Variants in FHIT observed in about 807,000 individuals in gnomAD.
FHIT encodes the protein bis(5'-adenosyl)-triphosphatase.
In FHIT, 19 loss-of-function variants were observed where a neutral mutation model predicts 17.9. That is an observed-to-expected ratio of 1.06 (90% CI 0.74 to 1.56). FHIT has a LOEUF of 1.56. Among genes scored for constraint, FHIT ranks in the 40% most tolerant of loss-of-function variants. FHIT has a pLI of 0.00. For synonymous variants in FHIT, 81 were observed against 69.7 expected (o/e 1.16, Z -0.81); for missense variants, 248 against 189.2 (o/e 1.31, Z -1.82).
chr3:60,260,472 T>C (rs962571011), intron 5 of FHIT, among the ~76,000 whole-genome samples: 15 of 152,182 alleles, frequency 9.9e-5, no homozygotes, highest in Admixed American at 2.6e-4. Context: ...GTTTAGAAGT[T>C]TGAAAACTTT....
At chr3:60,730,754 A>T (rs1020099238) in intron 4 of FHIT, 15 of 152,246 alleles carry the variant, frequency 9.9e-5, no homozygotes, top group African/African-American at 3.6e-4. Flanking sequence ...CCTAGGAAAA[A>T]CGCAAACTCA....
At chr3:60,861,098 A>ATC (rs1703790390) in intron 3 of FHIT, among the ~76,000 whole-genome samples, 1 of 90,434 alleles carries the variant, frequency 1.1e-5, no homozygotes, top group African/African-American at 3.9e-5. Context: ...ATCAGATATC[A>ATC]TATATACACA....
At chr3:61,062,581 G>A (rs543073148) in intron 2 of FHIT, among the ~76,000 whole-genome samples, 24 of 152,244 alleles carry the variant, frequency 1.6e-4, no homozygotes, top group Admixed American at 9.8e-4. Context: ...ACTCTCCAAC[G>A]TCAGTAGAGA....
chr3:60,022,304 T>C (rs1176434201), intron 5 of FHIT, among the ~76,000 whole-genome samples: 1 of 152,350 alleles, frequency 6.6e-6, no homozygotes, highest in African/African-American at 2.4e-5. Flanking sequence ...AAATGGGATA[T>C]GGCAGTCATT....
At chr3:60,601,198 G>T (rs906488809) in intron 4 of FHIT, among the ~76,000 whole-genome samples, 5 of 152,194 alleles carry the variant, frequency 3.3e-5, no homozygotes, top group Non-Finnish European at 7.3e-5. Flanking sequence ...GGATCAGGTC[G>T]CCCAGTGTGG....
chr3:60,603,420 A>C (rs1297379798), intron 4 of FHIT, among the ~76,000 whole-genome samples: 4 of 152,028 alleles, frequency 2.6e-5, no homozygotes, highest in African/African-American at 9.7e-5. Context: ...AATTCTTACT[A>C]TCTATCCATT....
At chr3:60,958,115 A>G (rs547722407) in intron 3 of FHIT, among the ~76,000 whole-genome samples, 1 of 152,352 alleles carries the variant, frequency 6.6e-6, no homozygotes, top group African/African-American at 2.4e-5. Flanking sequence ...CAGACTCAAT[A>G]TCACATTGTT....
At chr3:60,120,422 G>A (rs537024512) in intron 5 of FHIT, among the ~76,000 whole-genome samples, 1 of 152,308 alleles carries the variant, frequency 6.6e-6, no homozygotes, top group Admixed American at 6.5e-5. Flanking sequence ...CAGGGCACCT[G>A]CATATTTTTA....
Position 60,129,145 on chromosome 3 carries a change from C to T in FHIT, c.104-114993G>A, listed in dbSNP as rs533005581. On this transcript the variant is annotated intron_variant, in intron 5 of 9. Coordinates refer to ENST00000492590, the MANE Select transcript of FHIT (RefSeq NM_002012.4). ...TTGGCTCACTGCAACCTCCGCCTCCCGGGTTCAAACAATTCTTCTGCCTCA... is the reference window on the plus strand; with the variant it reads ...TTGGCTCACTGCAACCTCCGCCTCCTGGGTTCAAACAATTCTTCTGCCTCA... Among the ~76,000 whole-genome samples the T allele has an allele frequency of 1.7e-3, 255 of 150,784 alleles. 1 individual carries two copies. The highest frequency in any genetic ancestry group is 6.0e-3 in the African/African-American group (247 of 41,004).
intron 5 of FHIT, among the ~76,000 whole-genome samples, chr3:60,224,922 T>C (rs1704125080): frequency 6.6e-6 from 1 of 151,864 alleles, no homozygotes; most frequent in Admixed American, 6.6e-5. Flanking sequence ...GGTTTCACCA[T>C]TTTGGCCAGA....
At chr3:61,141,746 A>T (rs1375813687) in intron 2 of FHIT, among the ~76,000 whole-genome samples, 1 of 151,596 alleles carries the variant, frequency 6.6e-6, no homozygotes, top group African/African-American at 2.4e-5. Context: ...TAGCTTCTTC[A>T]ATTGGCTGAC....
chr3:60,434,507 G>T (rs2030032401), intron 5 of FHIT, among the ~76,000 whole-genome samples: 1 of 152,044 alleles, frequency 6.6e-6, no homozygotes, highest in Non-Finnish European at 1.5e-5. Flanking sequence ...GGGTGAGAAT[G>T]ATCACACTAT....
Position 60,183,558 on chromosome 3 carries a change from C to T in FHIT, c.104-169406G>A, listed in dbSNP as rs73097594. ...ACACTTAGAAGCTCCACAGACTTGA[C>T]CAGAGGTTCCACAGACATTCTGGGT... On this transcript the variant is annotated intron_variant, in intron 5 of 9. Transcript: ENST00000492590. Among the ~76,000 whole-genome samples the T allele has an allele frequency of 4.7e-3, 712 of 152,270 alleles. 4 individuals carry two copies. The highest frequency in any genetic ancestry group is 8.3e-3 in the Non-Finnish European group (562 of 68,018).
At chr3:60,619,083 C>T (rs2039038227) in intron 4 of FHIT, among the ~76,000 whole-genome samples, 1 of 152,116 alleles carries the variant, frequency 6.6e-6, no homozygotes, top group African/African-American at 2.4e-5. Flanking sequence ...TTTGTTACAG[C>T]AGCAAAGATT....
At chr3:61,118,195 A>G (rs951605239) in intron 2 of FHIT, among the ~76,000 whole-genome samples, 3 of 152,196 alleles carry the variant, frequency 2.0e-5, no homozygotes, top group African/African-American at 7.2e-5. Context: ...AAGGCCCGTG[A>G]TAAGGCTCAT....
intron 5 of FHIT, among the ~76,000 whole-genome samples, chr3:60,018,823 C>CAA (rs11445812): frequency 4.0e-5 from 6 of 151,426 alleles, no homozygotes; most frequent in African/African-American, 7.3e-5. Context: ...ACTAAAAATA[C>CAA]AAAAAAAACA....
chr3:60,560,844 C>CAG (rs1553651340), intron 4 of FHIT, among the ~76,000 whole-genome samples: 17 of 122,346 alleles, frequency 1.4e-4, no homozygotes, highest in African/African-American at 3.1e-4. Flanking sequence ...CACACACACA[C>CAG]AGAGAGAGAG....
At chr3:60,528,442 G>A (rs914233150) in intron 5 of FHIT, among the ~76,000 whole-genome samples, 1 of 150,342 alleles carries the variant, frequency 6.7e-6, no homozygotes, top group Non-Finnish European at 1.5e-5. Flanking sequence ...AGGAAAAAAG[G>A]AAGGAAGGAA....
At chr3:59,902,578 G>A (rs1302737885) in intron 8 of FHIT, among the ~76,000 whole-genome samples, 1 of 151,638 alleles carries the variant, frequency 6.6e-6, no homozygotes, top group Non-Finnish European at 1.5e-5. Context: ...GACATGCGAT[G>A]TATATATCAA....
Sources: gnomAD v4.1 joint callset for allele counts (sites outside exome capture counted in the v4.1 genomes callset) on GRCh38, gnomAD v4.1.1 for gene constraint, MANE v1.5 for transcripts, NCBI Gene and HGNC (gene_info 2026-07-23, HGNC 2026-07-21) for gene names.